The following ZNF704 variants were observed in gnomAD, a reference collection of about 807,000 sequenced individuals.
ZNF704 encodes the protein zinc finger protein 704.
Under a neutral mutation model 44.7 loss-of-function variants are expected in ZNF704, and 10 were observed. That is an observed-to-expected ratio of 0.22 (90% confidence interval 0.14 to 0.38). The LOEUF (loss-of-function observed/expected upper bound fraction) is 0.38, where lower values mean the gene tolerates loss of function less well. Among genes scored for constraint, ZNF704 ranks in the 10% least tolerant of loss-of-function variants. ZNF704 has a pLI of 1.00. For synonymous variants in ZNF704, 211 were observed against 207.6 expected (o/e 1.02, Z -0.14); for missense variants, 390 against 545.5 (o/e 0.71, Z 2.84).
intron 2 of ZNF704, among the ~76,000 whole-genome samples, chr8:80,756,798 C>T (rs1340233728): frequency 6.6e-6 from 1 of 152,218 alleles, no homozygotes; most frequent in East Asian, 1.9e-4. Flanking sequence ...ATTTAACCTT[C>T]TGAGTGCTAG....
chr8:80,700,477 T>A (rs149379743), intron 2 of ZNF704, among the ~76,000 whole-genome samples: 1 of 152,334 alleles, frequency 6.6e-6, no homozygotes, highest in East Asian at 1.9e-4. Flanking sequence ...ATAAGATGTG[T>A]AAAATATCTG....
chr8:80,785,702 G>C (rs966178037), intron 2 of ZNF704, among the ~76,000 whole-genome samples: 3 of 152,068 alleles, frequency 2.0e-5, no homozygotes, highest in African/African-American at 7.2e-5. Flanking sequence ...GTTTGTTTTT[G>C]TTTTTTACTT....
chr8:80,808,282 G>GTTTTTTT (rs914457673), intron 2 of ZNF704, among the ~76,000 whole-genome samples: 2 of 152,130 alleles, frequency 1.3e-5, no homozygotes, highest in Admixed American at 1.3e-4. Flanking sequence ...TAGAAAGATT[G>GTTTTTTT]TTTTTTTCAG....
At chr8:80,767,496 C>T (rs1270559895) in intron 2 of ZNF704, among the ~76,000 whole-genome samples, 1 of 152,182 alleles carries the variant, frequency 6.6e-6, no homozygotes, top group Non-Finnish European at 1.5e-5. Context: ...ATCAATAACA[C>T]TGCCTCGTTT....
chr8:80,654,003 T>C (rs1248781943), intron 7 of ZNF704, among the ~76,000 whole-genome samples: 1 of 152,022 alleles, frequency 6.6e-6, no homozygotes, highest in Non-Finnish European at 1.5e-5. Context: ...TATAGACCAA[T>C]GGAACAGAAC....
chr8:80,747,485 G>A (rs925498554), intron 2 of ZNF704, among the ~76,000 whole-genome samples: 2 of 152,016 alleles, frequency 1.3e-5, no homozygotes, highest in African/African-American at 4.8e-5. Context: ...GTAGGGAGTG[G>A]GACTGGGGAC....
At chr8:80,861,238 A>G (rs1423521763) in intron 1 of ZNF704, among the ~76,000 whole-genome samples, 1 of 152,190 alleles carries the variant, frequency 6.6e-6, no homozygotes, top group Non-Finnish European at 1.5e-5. Context: ...ACTGCAGAAG[A>G]CAACCCCCTT....
intron 2 of ZNF704, among the ~76,000 whole-genome samples, chr8:80,785,872 TG>T (rs1300648156): frequency 5.3e-5 from 8 of 152,196 alleles, no homozygotes; most frequent in African/African-American, 1.9e-4. Flanking sequence ...TTCTTGCTAC[TG>T]GGGTATTGTT....
intron 1 of ZNF704, among the ~76,000 whole-genome samples, chr8:80,870,956 G>T (rs558664326): frequency 5.9e-5 from 9 of 152,018 alleles, no homozygotes; most frequent in Non-Finnish European, 1.2e-4. Flanking sequence ...TTAGTAAATG[G>T]TACCTTCAAC....
At position 80,815,147 on chromosome 8, in the gene ZNF704, T is replaced by C. The variant is rs573837263; in HGVS notation, c.221+6227A>G. Reference sequence around the variant, plus strand: ...GCTATAAGGAGAAGATGATTTCATTTTATTCAGCAAGTGATAAATATGACA... The same window carrying C: ...GCTATAAGGAGAAGATGATTTCATTCTATTCAGCAAGTGATAAATATGACA... On this transcript the variant is annotated intron_variant, in intron 2 of 8. Coordinates refer to ENST00000327835, the MANE Select transcript of ZNF704 (RefSeq NM_001033723.3). Among the ~76,000 whole-genome samples, 18 of 152,336 alleles carry C rather than the reference T, an allele frequency of 1.2e-4. No individual in the cohort carries two copies. In the South Asian group the frequency reaches 3.7e-3, roughly 32 times the overall value.
chr8:80,846,474 A>G (rs1421531668), intron 1 of ZNF704, among the ~76,000 whole-genome samples: 1 of 152,076 alleles, frequency 6.6e-6, no homozygotes, highest in Non-Finnish European at 1.5e-5. Flanking sequence ...TTCATTTAAA[A>G]ATGACCAGGA....
At chr8:80,774,598 G>T (rs1807379905) in intron 2 of ZNF704, among the ~76,000 whole-genome samples, 2 of 152,080 alleles carry the variant, frequency 1.3e-5, no homozygotes, top group Non-Finnish European at 2.9e-5. Context: ...GCCCAGGGGG[G>T]ATAAAAATCT....
intron 1 of ZNF704, among the ~76,000 whole-genome samples, chr8:80,833,173 C>G (rs954163983): frequency 6.6e-6 from 1 of 152,130 alleles, no homozygotes; most frequent in African/African-American, 2.4e-5. Flanking sequence ...TGGTGAAACC[C>G]CGTCTCTACT....
intron 2 of ZNF704, among the ~76,000 whole-genome samples, chr8:80,805,190 G>C (rs772815308): frequency 6.6e-6 from 1 of 152,122 alleles, no homozygotes; most frequent in Non-Finnish European, 1.5e-5. Context: ...GACCCATCTC[G>C]TCACTTAACA....
chr8:80,722,501 T>C (rs571500079), intron 2 of ZNF704, among the ~76,000 whole-genome samples: 1 of 152,316 alleles, frequency 6.6e-6, no homozygotes, highest in East Asian at 1.9e-4. Flanking sequence ...AATCATGAAA[T>C]ATAGAAAATA....
Position 80,636,565 on chromosome 8 carries a change from G to A in ZNF704, c.*4801C>T, listed in dbSNP as rs1414596671. Reference sequence around the variant, plus strand: ...TAGTTACAATGCAAAAAAGATACATGAAACAGTTCCAATATGGAGGAATCC... The same window carrying A: ...TAGTTACAATGCAAAAAAGATACATAAAACAGTTCCAATATGGAGGAATCC... On this transcript the variant is annotated 3_prime_UTR_variant, in exon 9 of 9. Coordinates refer to ENST00000327835, the MANE Select transcript of ZNF704 (RefSeq NM_001033723.3). 1 of 152,162 alleles carries A rather than the reference G, an allele frequency of 6.6e-6. No individual in the cohort carries two copies. Among genetic ancestry groups the A allele is most frequent in the Admixed American group, 6.5e-5 (1 of 15,272 alleles). The allele number at this position is 152,162 out of a possible 1,614,324, so 9.4% of individuals were successfully genotyped here.
At chr8:80,653,640 GA>G (rs1817959954) in intron 7 of ZNF704, among the ~76,000 whole-genome samples, 2 of 151,266 alleles carry the variant, frequency 1.3e-5, no homozygotes, top group Admixed American at 6.6e-5. Flanking sequence ...CAAGGGATGC[GA>G]AGGACCTCTT....
At chr8:80,856,619 GA>G (rs1290185295) in intron 1 of ZNF704, among the ~76,000 whole-genome samples, 1 of 152,002 alleles carries the variant, frequency 6.6e-6, no homozygotes, top group Non-Finnish European at 1.5e-5. Flanking sequence ...GTCTTTCCAG[GA>G]CTGTTAGTTG....
intron 1 of ZNF704, among the ~76,000 whole-genome samples, chr8:80,827,479 G>A (rs1211230338): frequency 6.6e-6 from 1 of 152,144 alleles, no homozygotes. Flanking sequence ...TCAATATCAT[G>A]AAAATGGCCA....
Sources: gnomAD v4.1 joint callset for allele counts (sites outside exome capture counted in the v4.1 genomes callset) on GRCh38, gnomAD v4.1.1 for gene constraint, MANE v1.5 for transcripts, NCBI Gene and HGNC (gene_info 2026-07-23, HGNC 2026-07-21) for gene names.